The following VCL variants were observed in gnomAD, a reference collection of about 807,000 sequenced individuals.
VCL encodes vinculin, also known as epididymis luminal protein 114.
VCL carries 47 observed loss-of-function variants against 125.7 expected under a neutral mutation model. The observed-to-expected ratio is 0.37, with a 90% CI of 0.30 to 0.48. The LOEUF is 0.48. VCL is among the 20% of genes least tolerant of loss of function. The probability of loss-of-function intolerance (pLI) is 0.99; values close to 1 mark genes in which losing one functional copy is unlikely to be tolerated. For synonymous variants in VCL, 458 were observed against 514.6 expected, an observed-to-expected ratio of 0.89 and a Z score of 1.49; for missense variants, 1,069 against 1,455.5, an observed-to-expected ratio of 0.73 and a Z score of 4.32.
chr10:74,019,000 A>G (rs1840612238), intron 1 of VCL, among the ~76,000 whole-genome samples: 1 of 151,898 alleles, frequency 6.6e-6, no homozygotes, highest in Non-Finnish European at 1.5e-5. Flanking sequence ...GCTTGTATCT[A>G]CAGAACTTTC....
intron 10 of VCL, among the ~76,000 whole-genome samples, chr10:74,092,876 G>A (rs1454713392): frequency 1.3e-5 from 2 of 152,150 alleles, no homozygotes; most frequent in African/African-American, 4.8e-5. Flanking sequence ...ACTGGACTTT[G>A]AGAACCCCCA....
intron 2 of VCL, among the ~76,000 whole-genome samples, chr10:74,060,837 C>T (rs1841469409): frequency 6.6e-6 from 1 of 151,864 alleles, no homozygotes; most frequent in Non-Finnish European, 1.5e-5. Context: ...ATTACTCATA[C>T]TCAAGGTCTT....
rs542970794 is a variant in VCL, at chr10:74,059,698, T to A, written c.240-10972T>A. On this transcript the variant is annotated intron_variant, in intron 2 of 21. Coordinates refer to ENST00000211998, the MANE Select transcript of VCL (RefSeq NM_014000.3). ...GGGATTACAGGTGTGAGCCACCGCG[T>A]CCAGCCTGCTGGACATACTTCTAAA... is the stretch of plus-strand genomic sequence containing the variant. Among the ~76,000 whole-genome samples the A allele has an allele frequency of 1.2e-4, 18 of 152,226 alleles. No individual in the cohort carries two copies. In the South Asian group the frequency reaches 3.7e-3, roughly 32 times the overall value.
At position 74,097,390 on chromosome 10, in the gene VCL, G is replaced by A. The variant is rs1201086459; in HGVS notation, c.1872+58G>A. The A allele has an allele frequency of 3.3e-5, 52 of 1,595,416 alleles. No homozygotes were observed. Among genetic ancestry groups the A allele is most frequent in the Non-Finnish European group, 4.3e-5 (50 of 1,173,552 alleles). On this transcript the variant is annotated intron_variant, in intron 13 of 21. Transcript: ENST00000211998. The surrounding 1 kb of genome is among the most constrained non-coding windows in gnomAD (Gnocchi z 4.1). The stretch of plus-strand genomic sequence containing the variant: ...GCCTGTGCTATAGGTATATGTAAAG[G>A]TGAAATGTGATTACAGTGGACATCA...
At chr10:74,050,974 C>G (rs946139915) in intron 2 of VCL, among the ~76,000 whole-genome samples, 1 of 120,306 alleles carries the variant, frequency 8.3e-6, no homozygotes, top group Non-Finnish European at 1.6e-5. Context: ...GAATCTCGCT[C>G]TGCTACCCAG....
intron 21 of VCL, 107 bp downstream of exon 21, chr10:74,115,006 T>C: frequency 9.4e-7 from 1 of 1,058,642 alleles, no homozygotes; most frequent in Non-Finnish European, 1.4e-6. Context: ...TATCGAGTAT[T>C]CAGTATGTGG....
intron 1 of VCL, among the ~76,000 whole-genome samples, chr10:74,006,951 T>C (rs1424818629): frequency 6.6e-6 from 1 of 152,132 alleles, no homozygotes; most frequent in Admixed American, 6.6e-5. Context: ...GTTTTATATA[T>C]AGTCATTTTA....
intron 14 of VCL, among the ~76,000 whole-genome samples, chr10:74,102,234 G>GT (rs1384429758): frequency 0.021 from 2,908 of 135,294 alleles, 83 homozygotes; most frequent in African/African-American, 0.069. Flanking sequence ...CTTTGTGAGA[G>GT]TTTTTTTTTT....
At position 74,111,904 on chromosome 10, in the gene VCL, C is replaced by G; in HGVS notation, c.2746-5C>G. ...TATTTCTCATCCTTCCCGCCATCGA[C>G]AAAGCCGGGCATCCCAGCCGCTGAG... On this transcript the variant is annotated splice_polypyrimidine_tract_variant and splice_region_variant and intron_variant, in intron 18 of 21. Transcript: ENST00000211998. The G allele has an allele frequency of 6.2e-7, 1 of 1,614,212 alleles. No individual in the cohort carries two copies. Among genetic ancestry groups the G allele is most frequent in the Non-Finnish European group, 8.5e-7 (1 of 1,180,038 alleles).
chr10:74,099,533 C>T (rs1840019060), intron 13 of VCL, among the ~76,000 whole-genome samples: 1 of 152,118 alleles, frequency 6.6e-6, no homozygotes, highest in Admixed American at 6.6e-5. Context: ...TCTCACTGGG[C>T]TGTGAGTTCC....
intron 1 of VCL, among the ~76,000 whole-genome samples, chr10:74,032,652 A>G (rs925346854): frequency 6.6e-6 from 1 of 151,450 alleles, no homozygotes; most frequent in African/African-American, 2.4e-5. Flanking sequence ...GTGAGCCCAG[A>G]TTGCACCACT....
chr10:74,034,566 C>G (rs571447949), intron 1 of VCL, among the ~76,000 whole-genome samples: 8 of 152,220 alleles, frequency 5.3e-5, no homozygotes, highest in Admixed American at 3.9e-4. Flanking sequence ...TTTGTTTAAG[C>G]ATTTGTCAAC....
chr10:74,034,862 A>G (rs1295060855), intron 1 of VCL, among the ~76,000 whole-genome samples: 1 of 152,182 alleles, frequency 6.6e-6, no homozygotes, highest in African/African-American at 2.4e-5. Context: ...GGTCACTTAC[A>G]TTATTATTAT....
intron 2 of VCL, among the ~76,000 whole-genome samples, chr10:74,060,708 C>G (rs539645247): frequency 1.3e-5 from 2 of 150,498 alleles, no homozygotes; most frequent in African/African-American, 4.9e-5. Context: ...TTGTGGTAGT[C>G]TTTTTATAAT....
chr10:74,025,406 G>T (rs1361338084), intron 1 of VCL, among the ~76,000 whole-genome samples: 1 of 151,900 alleles, frequency 6.6e-6, no homozygotes, highest in Non-Finnish European at 1.5e-5. Context: ...TTGAGGCCAG[G>T]AGTTTGAGAC....
chr10:74,022,841 A>T (rs569188750), intron 1 of VCL, among the ~76,000 whole-genome samples: 1 of 151,972 alleles, frequency 6.6e-6, no homozygotes, highest in African/African-American at 2.4e-5. Flanking sequence ...GGGTTTCGCC[A>T]TGTTGGCCAG....
chr10:74,018,166 GATATATATAGGATATATATATATATAT>G (rs1199420714), intron 1 of VCL, among the ~76,000 whole-genome samples: 1 of 65,364 alleles, frequency 1.5e-5, no homozygotes, highest in Non-Finnish European at 3.8e-5. Flanking sequence ...AAAATGTGAG[GATATATATAGGATATATATATATATAT>G]ATATATATAA....
chr10:74,112,166 C>T, intron 19 of VCL, 54 bp downstream of exon 19: 1 of 1,597,286 alleles, frequency 6.3e-7, no homozygotes, highest in Non-Finnish European at 8.6e-7. Context: ...CGGCCATGTG[C>T]AGCCTTGACA....
In VCL at chr10:74,106,559, G is replaced by A. The variant is rs374640081; in HGVS notation, c.2435-671G>A. ...AATCATCTGAATTCCTTCCTGTTTT[G>A]AACATCTGATGTTTTCAGTCTTGTC... On this transcript the variant is annotated intron_variant, in intron 16 of 21. Transcript: ENST00000211998. Among the ~76,000 whole-genome samples, 28 of 152,268 alleles carry A rather than the reference G, an allele frequency of 1.8e-4. 1 individual carries two copies. In the East Asian group the frequency reaches 5.4e-3, roughly 29 times the overall value.
Sources: gnomAD v4.1 joint callset for allele counts (sites outside exome capture counted in the v4.1 genomes callset) on GRCh38, gnomAD v4.1.1 for gene constraint, Gnocchi (gnomAD v3.1) non-coding constraint, MANE v1.5 for transcripts, NCBI Gene and HGNC (gene_info 2026-07-23, HGNC 2026-07-21) for gene names.